RCAN2: variants seen among roughly 807,000 people sequenced by gnomAD.
RCAN2 encodes regulator of calcineurin 2.
RCAN2 carries 9 observed loss-of-function variants against 23.6 expected under a neutral mutation model. The ratio of observed to expected loss-of-function variants is 0.38; its 90% CI spans 0.23 to 0.67. The LOEUF is 0.67. Among genes scored for constraint, RCAN2 ranks in the 30% least tolerant of loss-of-function variants. The probability of loss-of-function intolerance (pLI) is 0.51; values close to 1 mark genes in which losing one functional copy is unlikely to be tolerated. For synonymous variants in RCAN2, 109 were observed against 115.7 expected, an observed-to-expected ratio of 0.94 and a Z score of 0.37; for missense variants, 273 against 302.3, an observed-to-expected ratio of 0.90 and a Z score of 0.72.
At chr6:46,292,074 C>A (rs1297552279) in intron 2 of RCAN2, among the ~76,000 whole-genome samples, 2 of 152,182 alleles carry the variant, frequency 1.3e-5, no homozygotes, top group African/African-American at 4.8e-5. Context: ...AAATTGCCTG[C>A]TCAGCAAACT....
At chr6:46,485,181 A>T (rs148872295) in intron 1 of RCAN2, among the ~76,000 whole-genome samples, 94 of 152,338 alleles carry the variant, frequency 6.2e-4, no homozygotes, top group African/African-American at 2.2e-3. Context: ...AATAATTGGG[A>T]ACAATCTGAA....
intron 2 of RCAN2, among the ~76,000 whole-genome samples, chr6:46,280,051 G>A (rs187510453): frequency 6.6e-6 from 1 of 152,130 alleles, no homozygotes; most frequent in Non-Finnish European, 1.5e-5. Context: ...CAAGTTAATG[G>A]TAGAACTAGG....
rs556541031 is a variant in RCAN2, at chr6:46,347,001, G to A, written c.226-98105C>T. On this transcript the variant is annotated intron_variant, in intron 2 of 4. Coordinates refer to ENST00000371374, the MANE Select transcript of RCAN2 (RefSeq NM_001251974.2). ...TGCCATTCTCCTGCCTCAGCCTCCC[G>A]AGTAGCTGGGACTACAGGCACCCGC... 4.0e-5 allele frequency among the ~76,000 whole-genome samples: 6 copies of A among 151,892 alleles called. No individual in the cohort carries two copies. In the South Asian group the frequency reaches 6.2e-4, roughly 16 times the overall value.
Position 46,284,332 on chromosome 6 carries a change from G to A in RCAN2, c.226-35436C>T, listed in dbSNP as rs566756082. On this transcript the variant is annotated intron_variant, in intron 2 of 4. Coordinates refer to ENST00000371374, the MANE Select transcript of RCAN2 (RefSeq NM_001251974.2). ...ACTCTGTGACTCCAGGGATGTGGGG[G>A]TGTAATTGCAAAGCTGGTGAATGAT... Among the ~76,000 whole-genome samples the A allele has an allele frequency of 9.3e-4, 142 of 152,236 alleles. 1 individual carries two copies. The highest frequency in any genetic ancestry group is 1.7e-3 in the Non-Finnish European group (116 of 68,020).
chr6:46,316,800 G>A (rs938227730), intron 2 of RCAN2, among the ~76,000 whole-genome samples: 7 of 152,244 alleles, frequency 4.6e-5, no homozygotes, highest in African/African-American at 1.7e-4. Context: ...GATTTTCTTA[G>A]TCAATACCCA....
intron 4 of RCAN2, among the ~76,000 whole-genome samples, chr6:46,225,530 C>A (rs1765632780): frequency 1.3e-5 from 2 of 152,202 alleles, no homozygotes; most frequent in South Asian, 4.1e-4. Context: ...TCTCTGATGG[C>A]CAGTGATGAT....
intron 2 of RCAN2, among the ~76,000 whole-genome samples, chr6:46,379,558 G>A (rs536388196): frequency 6.6e-6 from 1 of 152,270 alleles, no homozygotes; most frequent in Admixed American, 6.5e-5. Flanking sequence ...GTTTCCTGAT[G>A]AATATGCTTT....
intron 2 of RCAN2, among the ~76,000 whole-genome samples, chr6:46,290,182 G>A (rs997630014): frequency 6.6e-6 from 1 of 152,110 alleles, no homozygotes; most frequent in African/African-American, 2.4e-5. Context: ...ATCTGTAGGT[G>A]TCTTTCTGCA....
intron 2 of RCAN2, among the ~76,000 whole-genome samples, chr6:46,414,600 G>A (rs1157042129): frequency 2.0e-5 from 3 of 152,160 alleles, no homozygotes. Flanking sequence ...CCATATGTGG[G>A]TGGACCTCAT....
chr6:46,252,665 T>A (rs901489921), intron 2 of RCAN2, among the ~76,000 whole-genome samples: 7 of 152,126 alleles, frequency 4.6e-5, no homozygotes, highest in Non-Finnish European at 1.0e-4. Context: ...AAAATAACTG[T>A]TTTCCAAAAG....
At chr6:46,265,343 A>G (rs1193415272) in intron 2 of RCAN2, among the ~76,000 whole-genome samples, 2 of 152,150 alleles carry the variant, frequency 1.3e-5, no homozygotes, top group South Asian at 4.1e-4. Context: ...GAATATAGGC[A>G]TCGTTCAGTG....
chr6:46,273,999 A>T (rs941708664), intron 2 of RCAN2, among the ~76,000 whole-genome samples: 8 of 152,170 alleles, frequency 5.3e-5, no homozygotes, highest in African/African-American at 1.9e-4. Context: ...GATGATGAGG[A>T]GTCAGCTGAA....
chr6:46,413,794 G>A (rs1293815275), intron 2 of RCAN2, among the ~76,000 whole-genome samples: 2 of 152,106 alleles, frequency 1.3e-5, no homozygotes, highest in Non-Finnish European at 2.9e-5. Context: ...ACTGAACTGG[G>A]GAAACCGACC....
At chr6:46,343,080 A>G (rs1764378183) in intron 2 of RCAN2, among the ~76,000 whole-genome samples, 1 of 152,202 alleles carries the variant, frequency 6.6e-6, no homozygotes, top group Non-Finnish European at 1.5e-5. Context: ...CTTCATGATA[A>G]CCACACCTAG....
chr6:46,302,442 T>G (rs1383109225), intron 2 of RCAN2, among the ~76,000 whole-genome samples: 1 of 152,050 alleles, frequency 6.6e-6, no homozygotes, highest in Admixed American at 6.6e-5. Flanking sequence ...ATCACCAGAG[T>G]GACCCTGATT....
chr6:46,367,022 GATATATATATATATATAT>G (rs60245042), intron 2 of RCAN2, among the ~76,000 whole-genome samples: 640 of 59,680 alleles, frequency 0.011, 65 homozygotes, highest in African/African-American at 0.029. Context: ...ATCTGGGATG[GATATATATATATATATAT>G]ATATATATAT....
At chr6:46,464,824 C>G (rs1768326206) in intron 1 of RCAN2, among the ~76,000 whole-genome samples, 1 of 152,038 alleles carries the variant, frequency 6.6e-6, no homozygotes, top group African/African-American at 2.4e-5. Context: ...CCTTCTGGAG[C>G]CACTGTTCCA....
intron 2 of RCAN2, among the ~76,000 whole-genome samples, chr6:46,301,060 T>A (rs187905980): frequency 6.6e-6 from 1 of 151,926 alleles, no homozygotes; most frequent in Non-Finnish European, 1.5e-5. Context: ...TGTCCCACCA[T>A]GAAAATCTGG....
chr6:46,272,280 C>T (rs746584489), intron 2 of RCAN2, among the ~76,000 whole-genome samples: 2 of 152,172 alleles, frequency 1.3e-5, no homozygotes, highest in Non-Finnish European at 2.9e-5. Flanking sequence ...ATATGGGTTA[C>T]ACCCTTTACA....
Sources: allele counts gnomAD v4.1 joint callset (sites outside exome capture counted in the v4.1 genomes callset), GRCh38; gene constraint gnomAD v4.1.1; transcripts MANE v1.5; gene names NCBI Gene and HGNC (gene_info 2026-07-23, HGNC 2026-07-21).